The following DSCAM variants were observed in gnomAD, a reference collection of about 807,000 sequenced individuals.
DSCAM encodes the protein DS cell adhesion molecule.
Under a neutral mutation model 217.7 loss-of-function variants are expected in DSCAM, and 47 were observed. That is an observed-to-expected ratio of 0.22 (90% confidence interval 0.17 to 0.28). The LOEUF is 0.28. Ranked by LOEUF, DSCAM falls within the 10% of genes least tolerant of loss-of-function variation. DSCAM has a pLI of 1.00. For synonymous variants in DSCAM, 1,056 were observed against 1,015.3 expected (o/e 1.04, Z -0.76); for missense variants, 2,080 against 2,618.3 (o/e 0.79, Z 4.49).
Position 40,042,549 on chromosome 21 carries a change from C to T in DSCAM, c.5508G>A (p.Glu1836=), listed in dbSNP as rs2088771924. 2.5e-6 allele frequency: 4 copies of T among 1,614,110 alleles called. No individual in the cohort carries two copies. The highest frequency in any genetic ancestry group is 1.6e-4 in the Middle Eastern group (1 of 6,084). Residue 1836 remains glutamate (E), a synonymous_variant, in exon 32 of 33, where the codon GAG becomes GAA. Transcript: ENST00000400454. The stretch of plus-strand genomic sequence containing the variant: ...CCGATGACGTGTCTGATATGAAGCA[C>T]TCCGTGATGGTGAACTTGGCGTGCC... ...QLRHAKFTIT[E]CFISDTSSEQ...
chr21:40,085,724 C>T lies in DSCAM; in HGVS notation c.4010G>A (p.Ser1337Asn), dbSNP rs1349052713. The T allele has an allele frequency of 3.8e-6, 6 of 1,581,432 alleles. No homozygotes were observed. The Admixed American group carries it at 6.7e-5, about 18-fold the overall frequency. Reference protein sequence around the residue: ...PSLVTIDGRRSIFSNGSFIIR... With the variant: ...PSLVTIDGRRNIFSNGSFIIR... ...AATGAAGCTTCCGTTGCTAAAGATG[C>T]TCCTCCGCCCATCAATCGTTACTAG... The change falls in exon 23 of 33, where the codon AGC becomes AAC. Residue 1337 changes from serine (S) to asparagine (N), a missense_variant. Transcript: ENST00000400454.
chr21:40,754,398 T>C (rs555164727), intron 1 of DSCAM, among the ~76,000 whole-genome samples: 3 of 152,304 alleles, frequency 2.0e-5, no homozygotes, highest in South Asian at 2.1e-4. Flanking sequence ...TGTGAGGTAG[T>C]TGGTTTCAGG....
chr21:40,778,374 G>A (rs941282048), intron 1 of DSCAM, among the ~76,000 whole-genome samples: 5 of 152,110 alleles, frequency 3.3e-5, no homozygotes, highest in Non-Finnish European at 5.9e-5. Flanking sequence ...TTTTTGAGAC[G>A]GAGTCCTGCT....
intron 3 of DSCAM, among the ~76,000 whole-genome samples, chr21:40,589,938 C>G (rs2076972281): frequency 6.6e-6 from 1 of 152,172 alleles, no homozygotes; most frequent in African/African-American, 2.4e-5. Flanking sequence ...CAAGTTAACA[C>G]TCTCCTCTCC....
At chr21:40,502,462 G>C (rs541725603) in intron 3 of DSCAM, among the ~76,000 whole-genome samples, 28 of 152,146 alleles carry the variant, frequency 1.8e-4, no homozygotes, top group Non-Finnish European at 3.8e-4. Context: ...TCCAAAATGG[G>C]TCAAGCTGGG....
At chr21:40,712,052 A>G (rs887606342) in intron 1 of DSCAM, among the ~76,000 whole-genome samples, 2 of 152,224 alleles carry the variant, frequency 1.3e-5, no homozygotes, top group African/African-American at 4.8e-5. Context: ...AAGCTCCCCA[A>G]TAGAGCATGA....
rs74522232 is a variant in DSCAM, at chr21:40,347,656, C to T, written c.1210+14G>A. On this transcript the variant is annotated intron_variant, in intron 6 of 32. Transcript: ENST00000400454. ...GTTCTTTTTCAGCCATACCCTGAAACGAGGCCCACTGACCTTCAAGGACCA... is the reference window on the plus strand; with the variant it reads ...GTTCTTTTTCAGCCATACCCTGAAATGAGGCCCACTGACCTTCAAGGACCA... The T allele has an allele frequency of 2.0e-4, 320 of 1,612,808 alleles. No individual in the cohort carries two copies. The highest frequency in any genetic ancestry group is 2.2e-4 in the Non-Finnish European group (262 of 1,179,638).
intron 3 of DSCAM, among the ~76,000 whole-genome samples, chr21:40,642,914 T>TC (rs1374676928): frequency 6.6e-6 from 1 of 152,142 alleles, no homozygotes; most frequent in Non-Finnish European, 1.5e-5. Flanking sequence ...GCAGAGGGCC[T>TC]CCCAGGAGAC....
intron 3 of DSCAM, among the ~76,000 whole-genome samples, chr21:40,665,690 C>T (rs763738407): frequency 2.0e-5 from 3 of 152,202 alleles, no homozygotes; most frequent in African/African-American, 2.4e-5. Context: ...TGAGCACAGA[C>T]ACAGCTGGCA....
intron 11 of DSCAM, among the ~76,000 whole-genome samples, chr21:40,209,089 G>A (rs897609688): frequency 2.0e-5 from 3 of 152,218 alleles, no homozygotes; most frequent in Admixed American, 2.0e-4. Flanking sequence ...CAGAGAGGCT[G>A]CCTGTAGCCA....
At chr21:40,308,336 G>A (rs2074102585) in intron 9 of DSCAM, among the ~76,000 whole-genome samples, 1 of 152,092 alleles carries the variant, frequency 6.6e-6, no homozygotes, top group Non-Finnish European at 1.5e-5. Flanking sequence ...CTTATGCTGG[G>A]GATAGATTAG....
At chr21:40,201,497 A>G (rs1325437071) in intron 11 of DSCAM, among the ~76,000 whole-genome samples, 1 of 152,110 alleles carries the variant, frequency 6.6e-6, no homozygotes, top group East Asian at 1.9e-4. Flanking sequence ...GCTGGAGTGC[A>G]GTGGCATGAT....
chr21:40,635,011 A>G (rs2089737700), intron 3 of DSCAM, among the ~76,000 whole-genome samples: 1 of 152,142 alleles, frequency 6.6e-6, no homozygotes, highest in Non-Finnish European at 1.5e-5. Context: ...GTCTCTCTAA[A>G]ATTTTCTGTA....
chr21:40,674,560 C>T (rs2090313714), intron 3 of DSCAM, among the ~76,000 whole-genome samples: 1 of 151,978 alleles, frequency 6.6e-6, no homozygotes, highest in East Asian at 1.9e-4. Flanking sequence ...TACAACCTCA[C>T]CCCTGGCAAT....
chr21:40,793,372 C>T (rs2837824), intron 1 of DSCAM, among the ~76,000 whole-genome samples: 68,470 of 152,090 alleles, frequency 0.45, 17,292 homozygotes, highest in South Asian at 0.65. Flanking sequence ...CATGATGGCA[C>T]AGGAATCAAA....
chr21:40,604,654 G>A (rs568802122), intron 3 of DSCAM, among the ~76,000 whole-genome samples: 1 of 152,216 alleles, frequency 6.6e-6, no homozygotes, highest in East Asian at 1.9e-4. Flanking sequence ...TGTTGTCTTT[G>A]TGTTTCCCTA....
intron 11 of DSCAM, among the ~76,000 whole-genome samples, chr21:40,240,763 G>A (rs2073141703): frequency 6.6e-6 from 1 of 152,132 alleles, no homozygotes; most frequent in Non-Finnish European, 1.5e-5. Context: ...TGACAGGCAT[G>A]CATGCCATTT....
At chr21:40,687,066 T>C (rs2090487410) in intron 3 of DSCAM, among the ~76,000 whole-genome samples, 2 of 152,126 alleles carry the variant, frequency 1.3e-5, no homozygotes, top group Admixed American at 1.3e-4. Flanking sequence ...GAGAATACTT[T>C]CCAGTGTTTA....
chr21:40,643,478 G>A (rs1055187641), intron 3 of DSCAM, among the ~76,000 whole-genome samples: 3 of 152,194 alleles, frequency 2.0e-5, no homozygotes, highest in Non-Finnish European at 4.4e-5. Flanking sequence ...TCTCAGGGGA[G>A]AAACTACCTC....
Sources: gnomAD v4.1 joint callset for allele counts (sites outside exome capture counted in the v4.1 genomes callset) on GRCh38, gnomAD v4.1.1 for gene constraint, MANE v1.5 for transcripts, NCBI Gene and HGNC (gene_info 2026-07-23, HGNC 2026-07-21) for gene names.